Variants in TRAPPC12 observed in about 807,000 individuals in gnomAD.
TRAPPC12 encodes the protein TPR repeat protein 15.
A neutral mutation model predicts 69.2 loss-of-function variants in TRAPPC12; 61 were observed. That is an observed-to-expected ratio of 0.88 (90% CI 0.72 to 1.09). The LOEUF (loss-of-function observed/expected upper bound fraction) is 1.09. TRAPPC12 is among the 50% of genes least tolerant of loss of function. TRAPPC12 has a pLI of 0.00. For missense variants in TRAPPC12, 1,101 were observed against 1,016.4 expected, an observed-to-expected ratio of 1.08 and a Z score of -1.13; for synonymous variants, 469 against 438.9, an observed-to-expected ratio of 1.07 and a Z score of -0.86.
At position 3,388,325 on chromosome 2, in the gene TRAPPC12, C is replaced by T; in HGVS notation, c.702C>T (p.Ser234=). Residue 234 remains serine (S), a synonymous_variant, in exon 2 of 12, where the codon TCC becomes TCT. Transcript: ENST00000324266. Reference sequence around the variant, plus strand: ...CCTTTACTACCTCCGCCTTCATTTCCGTCAGCAATCCCGGCGCGGGCTCCC... The same window carrying T: ...CCTTTACTACCTCCGCCTTCATTTCTGTCAGCAATCCCGGCGCGGGCTCCC... ...FDSFTTSAFI[S]VSNPGAGSPA... is the part of the protein sequence containing the mutation. 6.2e-7 allele frequency: 1 copy of T among 1,602,924 alleles called. No individual in the cohort carries two copies. The highest frequency in any genetic ancestry group is 8.5e-7 in the Non-Finnish European group (1 of 1,175,134).
chr2:3,387,912 G>C lies in TRAPPC12; in HGVS notation c.289G>C (p.Glu97Gln), dbSNP rs1045165468. ...RVRDEAEPGG[E>Q]GDPGPEPAGT... ...GCGGGACGAAGCTGAGCCCGGAGGG[G>C]AAGGCGACCCAGGCCCGGAGCCCGC... The change falls in exon 2 of 12, where the codon GAA (glutamate) becomes CAA (glutamine). Residue 97 changes from glutamate (E) to glutamine (Q), a missense_variant. Transcript: ENST00000324266. The C allele has an allele frequency of 1.3e-6, 2 of 1,541,850 alleles. No homozygotes were observed. Among genetic ancestry groups the C allele is most frequent in the Middle Eastern group, 1.7e-4 (1 of 5,866 alleles).
chr2:3,426,942 TTG>T (rs1422238786), intron 5 of TRAPPC12, among the ~76,000 whole-genome samples: 1 of 152,228 alleles, frequency 6.6e-6, no homozygotes, highest in East Asian at 1.9e-4. Context: ...TGTCCCTTTC[TTG>T]TCTCCACTTC....
intron 3 of TRAPPC12, among the ~76,000 whole-genome samples, chr2:3,411,889 A>G (rs1029379482): frequency 7.9e-5 from 12 of 152,250 alleles, no homozygotes; most frequent in African/African-American, 2.7e-4. Flanking sequence ...ACCTGAGTGC[A>G]CTGGCTGTAG....
At position 3,466,812 on chromosome 2, in the gene TRAPPC12, C is replaced by T. The variant is rs556160732; in HGVS notation, c.1776+1117C>T. 2.6e-5 allele frequency among the ~76,000 whole-genome samples: 4 copies of T among 152,290 alleles called. No individual in the cohort carries two copies. In the South Asian group the frequency reaches 8.3e-4, roughly 32 times the overall value. ...TGAGCTGCCACCATGGGCATCGGCT[C>T]CTGCCTGCACTGGGATGCTTGCAGC... On this transcript the variant is annotated intron_variant, in intron 9 of 11. Transcript: ENST00000324266.
rs1388982223 is a variant in TRAPPC12, at chr2:3,388,148, C to T, written c.525C>T (p.Phe175=). 32 of 1,601,814 alleles carry T rather than the reference C, an allele frequency of 2.0e-5. No individual in the cohort carries two copies. The highest frequency in any genetic ancestry group is 2.3e-5 in the Non-Finnish European group (27 of 1,175,506). The change falls in exon 2 of 12, where the codon TTC becomes TTT. Residue 175 remains phenylalanine (F), a synonymous_variant. Coordinates refer to ENST00000324266, the MANE Select transcript of TRAPPC12 (RefSeq NM_016030.6). The part of the protein sequence containing the change: ...QRAPPASGDG[F]EPQMVKSPSF... ...CGCCCCCAGCCTCCGGGGACGGCTT[C>T]GAGCCGCAGATGGTGAAGTCGCCCA...
chr2:3,470,414 G>A (rs376059738), intron 9 of TRAPPC12, among the ~76,000 whole-genome samples: 3 of 152,260 alleles, frequency 2.0e-5, no homozygotes, highest in Admixed American at 6.5e-5. Context: ...CCTGCACTGC[G>A]TGCTGTCCGC....
intron 3 of TRAPPC12, among the ~76,000 whole-genome samples, chr2:3,409,322 G>A (rs565317021): frequency 6.6e-6 from 1 of 152,092 alleles, no homozygotes; most frequent in Non-Finnish European, 1.5e-5. Flanking sequence ...AAAGTAAACT[G>A]GAACTATAGA....
intron 1 of TRAPPC12, among the ~76,000 whole-genome samples, chr2:3,382,663 G>A (rs576928998): frequency 2.6e-5 from 4 of 152,158 alleles, no homozygotes; most frequent in African/African-American, 9.7e-5. Flanking sequence ...CGTGGCTCAC[G>A]CCTGTAATCT....
chr2:3,420,999 C>T (rs1356450009), intron 3 of TRAPPC12, among the ~76,000 whole-genome samples: 1 of 152,174 alleles, frequency 6.6e-6, no homozygotes, highest in Non-Finnish European at 1.5e-5. Context: ...AATGAGTGCT[C>T]GTTCACTAAC....
chr2:3,391,102 A>G (rs1289265684), intron 2 of TRAPPC12, among the ~76,000 whole-genome samples: 2 of 152,226 alleles, frequency 1.3e-5, no homozygotes, highest in Non-Finnish European at 2.9e-5. Context: ...ATCAGATTAA[A>G]TCATATGCAT....
intron 1 of TRAPPC12, among the ~76,000 whole-genome samples, chr2:3,383,715 A>G (rs1398853793): frequency 1.3e-5 from 2 of 151,716 alleles, no homozygotes; most frequent in African/African-American, 4.9e-5. Context: ...TTCACAGTTA[A>G]GTTTTTAACG....
intron 6 of TRAPPC12, chr2:3,455,945 G>C (rs1233041894): frequency 6.6e-6 from 1 of 152,162 alleles, no homozygotes; most frequent in Non-Finnish European, 1.5e-5. Context: ...TCTCCCTAGT[G>C]GTTGCACTGA....
Position 3,443,962 on chromosome 2 carries a change from C to T in TRAPPC12, c.1530+71C>T, listed in dbSNP as rs1558387746. 3 of 1,174,742 alleles carry T rather than the reference C, an allele frequency of 2.6e-6. No homozygotes were observed. In the East Asian group the frequency reaches 7.5e-5, roughly 29 times the overall value. 72.8% of individuals were successfully genotyped at this position (1,174,742 alleles called of 1,614,324 possible). A position where few individuals can be genotyped will look rare whatever the true frequency, so the allele number is the denominator to read the frequency against. ...TCCACGCCCTCCCCACAGGACATGC[C>T]CGTGCTGTTCCCTGCCCGTCCTGCC... On this transcript the variant is annotated intron_variant, in intron 6 of 11. Transcript: ENST00000324266.
At chr2:3,421,732 A>G (rs1159116585) in intron 3 of TRAPPC12, 149 bp from the exon 4 acceptor site, 1 of 753,772 alleles carries the variant, frequency 1.3e-6, no homozygotes, top group South Asian at 1.5e-5. Context: ...CCGTGCCGTC[A>G]GCACACTGAC....
chr2:3,402,014 A>G, intron 3 of TRAPPC12, 121 bp downstream of exon 3: 3 of 700,898 alleles, frequency 4.3e-6, no homozygotes, highest in Non-Finnish European at 6.9e-6. Flanking sequence ...CATAAGTAGA[A>G]TTTTGTTGGA....
At chr2:3,405,545 C>A (rs1399437516) in intron 3 of TRAPPC12, among the ~76,000 whole-genome samples, 1 of 152,212 alleles carries the variant, frequency 6.6e-6, no homozygotes, top group African/African-American at 2.4e-5. Context: ...GACCTTATAT[C>A]TGATGGGATT....
Position 3,414,039 on chromosome 2 carries a change from A to G in TRAPPC12, c.1165-7842A>G, listed in dbSNP as rs1180764644. 6.6e-6 allele frequency among the ~76,000 whole-genome samples: 1 copy of G among 152,018 alleles called. No individual in the cohort carries two copies. The highest frequency in any genetic ancestry group is 2.4e-5 in the African/African-American group (1 of 41,358). ...CTTGTTTCCTTGTGCCTTGTTCACT[A>G]AGCCAGCTCAGTATCCTTTTTATTC... On this transcript the variant is annotated intron_variant, in intron 3 of 11. Coordinates refer to ENST00000324266, the MANE Select transcript of TRAPPC12 (RefSeq NM_016030.6). This position sits in a 1 kb window ranked among gnomAD's most constrained non-coding sequence, Gnocchi z 4.9.
intron 3 of TRAPPC12, among the ~76,000 whole-genome samples, chr2:3,407,562 G>A (rs1359076176): frequency 6.6e-6 from 1 of 152,158 alleles, no homozygotes; most frequent in Non-Finnish European, 1.5e-5. Context: ...AGAGGAGGGG[G>A]GAGGCCGAGG....
intron 3 of TRAPPC12, among the ~76,000 whole-genome samples, chr2:3,402,571 C>T (rs1032856230): frequency 1.3e-5 from 2 of 152,120 alleles, no homozygotes; most frequent in Admixed American, 6.5e-5. Flanking sequence ...ACTCCAGCCT[C>T]GGCTACAGAG....
Sources: allele counts gnomAD v4.1 joint callset (sites outside exome capture counted in the v4.1 genomes callset), GRCh38; gene constraint gnomAD v4.1.1; non-coding constraint Gnocchi (gnomAD v3.1); transcripts MANE v1.5; gene names NCBI Gene and HGNC (gene_info 2026-07-23, HGNC 2026-07-21).